ANKS1B: variants seen among roughly 807,000 people sequenced by gnomAD.
ANKS1B encodes the protein ankyrin repeat and sterile alpha motif domain-containing protein 1B.
ANKS1B carries 36 observed loss-of-function variants against 148.3 expected under a neutral mutation model. The ratio of observed to expected loss-of-function variants is 0.24; its 90% CI spans 0.19 to 0.32. The LOEUF is 0.32. Ranked by LOEUF, ANKS1B falls within the 10% of genes least tolerant of loss-of-function variation. The pLI is 1.00. For synonymous variants in ANKS1B, 542 were observed against 560.8 expected (o/e 0.97, Z 0.47); for missense variants, 1,157 against 1,542.6 (o/e 0.75, Z 4.19).
At chr12:99,574,438 C>G (rs1348290691) in intron 9 of ANKS1B, among the ~76,000 whole-genome samples, 4 of 151,954 alleles carry the variant, frequency 2.6e-5, no homozygotes, top group African/African-American at 9.7e-5. Flanking sequence ...CTTAGCAAAG[C>G]TAAAAAGCCA....
chr12:99,000,119 G>GA (rs1317967058), intron 17 of ANKS1B, among the ~76,000 whole-genome samples: 1 of 151,642 alleles, frequency 6.6e-6, no homozygotes, highest in African/African-American at 2.4e-5. Flanking sequence ...GGAGAGTAAG[G>GA]AAAAAATAGA....
chr12:99,652,319 A>G (rs1394420506), intron 9 of ANKS1B, among the ~76,000 whole-genome samples: 1 of 152,044 alleles, frequency 6.6e-6, no homozygotes. Context: ...CTAAAAACAC[A>G]AAAATTAGCC....
chr12:99,234,234 G>C (rs1358299669), intron 14 of ANKS1B, among the ~76,000 whole-genome samples: 1 of 152,024 alleles, frequency 6.6e-6, no homozygotes, highest in East Asian at 1.9e-4. Context: ...TTCATTGCCT[G>C]TCCCTTCCCA....
chr12:99,934,753 A>G (rs1336210531), intron 1 of ANKS1B, among the ~76,000 whole-genome samples: 3 of 152,274 alleles, frequency 2.0e-5, no homozygotes, highest in East Asian at 1.9e-4. Context: ...TTGGTACTTT[A>G]GGAGATTAAT....
At chr12:99,648,850 C>T (rs1567560663) in intron 9 of ANKS1B, 1 of 1,524,998 alleles carries the variant, frequency 6.6e-7, no homozygotes, top group South Asian at 1.3e-5. Flanking sequence ...GGTACAGGTC[C>T]TGTAAAGCCT....
intron 17 of ANKS1B, among the ~76,000 whole-genome samples, chr12:98,906,988 C>G (rs1028251578): frequency 1.4e-5 from 2 of 147,978 alleles, no homozygotes; most frequent in African/African-American, 5.0e-5. Flanking sequence ...AACATATCAT[C>G]CCCTCACATA....
intron 12 of ANKS1B, among the ~76,000 whole-genome samples, chr12:99,279,573 G>T (rs2078123004): frequency 6.6e-6 from 1 of 152,138 alleles, no homozygotes; most frequent in South Asian, 2.1e-4. Flanking sequence ...CTGTGGGGTG[G>T]GGTGGGGGGA....
At chr12:99,147,837 A>G (rs768350670) in intron 15 of ANKS1B, among the ~76,000 whole-genome samples, 3 of 152,060 alleles carry the variant, frequency 2.0e-5, no homozygotes. Flanking sequence ...ATGGAACACA[A>G]ACGGGGAGTA....
chr12:98,791,936 C>A (rs2153558182), intron 22 of ANKS1B, among the ~76,000 whole-genome samples: 1 of 152,268 alleles, frequency 6.6e-6, no homozygotes, highest in South Asian at 2.1e-4. Context: ...TAAGATCTAA[C>A]TTTTTCAAAG....
chr12:99,065,922 C>T (rs536946843), intron 16 of ANKS1B, among the ~76,000 whole-genome samples: 5 of 152,114 alleles, frequency 3.3e-5, no homozygotes, highest in East Asian at 1.9e-4. Context: ...GTGGGGGGAT[C>T]GGAAGTACTG....
Position 99,048,536 on chromosome 12 carries a change from T to C in ANKS1B, c.2778+4621A>G, listed in dbSNP as rs546566872. On this transcript the variant is annotated intron_variant, in intron 17 of 26. Coordinates refer to ENST00000683438, the MANE Select transcript of ANKS1B (RefSeq NM_001352186.2). ...AGCTATATTACTTCCAATGACATTT[T>C]AGTGATTAAATGCATTTTATTTGTA... Among the ~76,000 whole-genome samples the C allele has an allele frequency of 2.6e-5, 4 of 152,336 alleles. No homozygotes were observed. In the East Asian group the frequency reaches 7.7e-4, roughly 29 times the overall value.
intron 1 of ANKS1B, among the ~76,000 whole-genome samples, chr12:99,865,226 T>C (rs2090569912): frequency 6.6e-6 from 1 of 152,214 alleles, no homozygotes; most frequent in Non-Finnish European, 1.5e-5. Flanking sequence ...TACTGCTTAC[T>C]TCAACGGGAA....
intron 17 of ANKS1B, among the ~76,000 whole-genome samples, chr12:98,934,674 T>G (rs2099816795): frequency 6.6e-6 from 1 of 152,136 alleles, no homozygotes; most frequent in Admixed American, 6.5e-5. Context: ...CAGTCTGCTT[T>G]CAACTTCTTA....
Position 99,767,666 on chromosome 12 carries a change from C to CA in ANKS1B, c.1128+5255dup, listed in dbSNP as rs1035497984. On this transcript the variant is annotated intron_variant, in intron 8 of 26. Coordinates refer to ENST00000683438, the MANE Select transcript of ANKS1B (RefSeq NM_001352186.2). ...GAATGTTAGGATATTTATATTTCTT[C>CA]AAAATTTACATTCTAGATTATATAA... is the stretch of plus-strand genomic sequence containing the variant. Among the ~76,000 whole-genome samples, 608 of 152,084 alleles carry CA rather than the reference C, an allele frequency of 4.0e-3. 3 individuals are homozygous for CA. The highest frequency in any genetic ancestry group is 0.014 in the African/African-American group (585 of 41,516).
intron 17 of ANKS1B, among the ~76,000 whole-genome samples, chr12:99,045,259 CAT>C (rs1402548523): frequency 1.3e-5 from 2 of 152,168 alleles, no homozygotes; most frequent in Non-Finnish European, 2.9e-5. Context: ...TATGGAGGCA[CAT>C]GTGTTTTTTA....
intron 4 of ANKS1B, among the ~76,000 whole-genome samples, chr12:99,788,867 A>G (rs888286377): frequency 3.9e-5 from 6 of 152,160 alleles, no homozygotes; most frequent in Non-Finnish European, 8.8e-5. Flanking sequence ...CCACAGGGAG[A>G]GTCTCCTCTG....
chr12:99,533,993 A>G (rs1413809142), intron 9 of ANKS1B, among the ~76,000 whole-genome samples: 1 of 152,216 alleles, frequency 6.6e-6, no homozygotes, highest in Admixed American at 6.5e-5. Context: ...CTATTTTAAC[A>G]GAAACATTAA....
At chr12:99,651,867 A>C (rs944565642) in intron 9 of ANKS1B, among the ~76,000 whole-genome samples, 5 of 151,928 alleles carry the variant, frequency 3.3e-5, no homozygotes, top group Non-Finnish European at 7.4e-5. Context: ...TAAACTAAAA[A>C]ACCAGATGAA....
At chr12:99,171,759 T>C (rs1049541476) in intron 14 of ANKS1B, among the ~76,000 whole-genome samples, 1 of 152,156 alleles carries the variant, frequency 6.6e-6, no homozygotes, top group Non-Finnish European at 1.5e-5. Flanking sequence ...TCCGTTGATT[T>C]TGTTCTTGTT....
Sources: allele counts gnomAD v4.1 joint callset (sites outside exome capture counted in the v4.1 genomes callset), GRCh38; gene constraint gnomAD v4.1.1; transcripts MANE v1.5; gene names NCBI Gene and HGNC (gene_info 2026-07-23, HGNC 2026-07-21).